Variants in DGKH observed in about 807,000 individuals in gnomAD.
DGKH encodes DAG kinase eta.
DGKH carries 90 observed loss-of-function variants against 159.3 expected under a neutral mutation model. The observed-to-expected ratio is 0.57, with a 90% CI of 0.48 to 0.67. The LOEUF is 0.67. Among genes scored for constraint, DGKH ranks in the 30% least tolerant of loss-of-function variants. The pLI is 0.00. For missense variants in DGKH, 1,181 were observed against 1,506.1 expected (o/e 0.78, Z 3.57); for synonymous variants, 536 against 553.8 (o/e 0.97, Z 0.45).
intron 11 of DGKH, among the ~76,000 whole-genome samples, chr13:42,169,780 A>G (rs796980801): frequency 2.8e-4 from 42 of 152,348 alleles, no homozygotes; most frequent in African/African-American, 9.9e-4. Flanking sequence ...GCTGGGAAAT[A>G]GAACATTTGT....
chr13:42,206,282 A>G, intron 21 of DGKH, 136 bp downstream of exon 21: 1 of 451,302 alleles, frequency 2.2e-6, no homozygotes, highest in Non-Finnish European at 3.7e-6. Flanking sequence ...GAGGCATGGA[A>G]TAGATTTATT....
At chr13:42,158,722 A>G (rs770514547) in intron 5 of DGKH, among the ~76,000 whole-genome samples, 11 of 152,188 alleles carry the variant, frequency 7.2e-5, no homozygotes, top group Non-Finnish European at 1.5e-4. Context: ...CCTATTTTCC[A>G]TGATGCCTGG....
intron 1 of DGKH, among the ~76,000 whole-genome samples, chr13:42,111,359 C>G (rs1390482019): frequency 6.6e-6 from 1 of 152,128 alleles, no homozygotes; most frequent in Non-Finnish European, 1.5e-5. Flanking sequence ...GTGGGCAGAT[C>G]TCTTGAGGTC....
At chr13:42,070,229 C>T (rs768052193) in intron 1 of DGKH, 37 of 1,097,686 alleles carry the variant, frequency 3.4e-5, no homozygotes, top group East Asian at 9.4e-5. Flanking sequence ...TTCAGTGCTT[C>T]GCGACTAATT....
rs940927744 is a variant in DGKH at position 42,230,341 on chromosome 13, G to A, written c.*1153G>A. ...TTAAATTTTTTCTTAAGGGCTTTATGTTGTTATTATTATTATCTCACTTAA... is the reference window on the plus strand; with the variant it reads ...TTAAATTTTTTCTTAAGGGCTTTATATTGTTATTATTATTATCTCACTTAA... On this transcript the variant is annotated 3_prime_UTR_variant, in exon 30 of 30. Transcript: ENST00000337343. 1 of 152,014 alleles carries A rather than the reference G, an allele frequency of 6.6e-6. No homozygotes were observed. Among genetic ancestry groups the A allele is most frequent in the East Asian group, 1.9e-4 (1 of 5,196 alleles). The allele number at this position is 152,014 out of a possible 1,614,324, so 9.4% of individuals were successfully genotyped here.
At chr13:42,152,955 T>G (rs1955951293) in intron 3 of DGKH, among the ~76,000 whole-genome samples, 1 of 152,166 alleles carries the variant, frequency 6.6e-6, no homozygotes, top group Non-Finnish European at 1.5e-5. Flanking sequence ...GTGTTACAAT[T>G]AATGCTCTTT....
chr13:42,133,441 G>A (rs1955333517), intron 3 of DGKH, among the ~76,000 whole-genome samples: 1 of 152,054 alleles, frequency 6.6e-6, no homozygotes, highest in South Asian at 2.1e-4. Context: ...CGCCTATAAT[G>A]CCAGCATTTT....
rs985107690 is a variant in DGKH at position 42,242,662 on chromosome 13, G to A, written c.*13474G>A. 1 of 152,128 alleles carries A rather than the reference G, an allele frequency of 6.6e-6. No homozygotes were observed. Among genetic ancestry groups the A allele is most frequent in the South Asian group, 2.1e-4 (1 of 4,826 alleles). 9.4% of individuals were successfully genotyped at this position (152,128 alleles called of 1,614,324 possible). A position where few individuals can be genotyped will look rare whatever the true frequency, so the allele number is the denominator to read the frequency against. On this transcript the variant is annotated 3_prime_UTR_variant, in exon 30 of 30. Coordinates refer to ENST00000337343, the MANE Select transcript of DGKH (RefSeq NM_178009.5). ...TTTCCTTGTACAGATAATTTTGGTGGCTTTGTTAATGTAGCTAGTAATTTT... is the reference window on the plus strand; with the variant it reads ...TTTCCTTGTACAGATAATTTTGGTGACTTTGTTAATGTAGCTAGTAATTTT...
intron 1 of DGKH, among the ~76,000 whole-genome samples, chr13:42,071,849 G>A (rs761278506): frequency 3.9e-5 from 6 of 152,166 alleles, no homozygotes; most frequent in Non-Finnish European, 8.8e-5. Context: ...CGCAGTCACC[G>A]CCATGTAACA....
intron 1 of DGKH, among the ~76,000 whole-genome samples, chr13:42,121,541 T>C (rs1393430860): frequency 6.6e-6 from 1 of 152,232 alleles, no homozygotes; most frequent in Non-Finnish European, 1.5e-5. Context: ...CCTCCCGGAC[T>C]CCAAGGAGTT....
At chr13:42,094,877 T>C (rs1308492981) in intron 1 of DGKH, among the ~76,000 whole-genome samples, 1 of 152,142 alleles carries the variant, frequency 6.6e-6, no homozygotes, top group Non-Finnish European at 1.5e-5. Context: ...CAATTGTGTT[T>C]GAAAAGAAAA....
intron 29 of DGKH, among the ~76,000 whole-genome samples, chr13:42,223,107 T>C (rs1958026402): frequency 6.6e-6 from 1 of 152,164 alleles, no homozygotes; most frequent in East Asian, 1.9e-4. Context: ...TGAAACAAGA[T>C]GTGGGGGGTG....
intron 18 of DGKH, 81 bp from the exon 19 acceptor site, chr13:42,199,485 T>A (rs1038875594): frequency 1.5e-5 from 15 of 980,808 alleles, no homozygotes; most frequent in Non-Finnish European, 2.2e-5. Flanking sequence ...TAAATGGTTT[T>A]AAGTACTATC....
chr13:42,256,178 G>A, intron 30 of DGKH: 1 of 1,215,882 alleles, frequency 8.2e-7, no homozygotes, highest in Non-Finnish European at 1.2e-6. Flanking sequence ...GAATCATGTT[G>A]CTGTAACAGT....
intron 1 of DGKH, among the ~76,000 whole-genome samples, chr13:42,121,909 G>A (rs1218246161): frequency 6.6e-6 from 1 of 152,186 alleles, no homozygotes; most frequent in Non-Finnish European, 1.5e-5. Context: ...CTCCGCCGTG[G>A]AGTCTCTCCC....
At chr13:42,080,155 A>G (rs983118821) in intron 1 of DGKH, among the ~76,000 whole-genome samples, 3 of 152,230 alleles carry the variant, frequency 2.0e-5, no homozygotes, top group Non-Finnish European at 4.4e-5. Context: ...GCTACTTAAC[A>G]TGGTAATTTA....
intron 3 of DGKH, among the ~76,000 whole-genome samples, chr13:42,150,541 T>C (rs1791103280): frequency 6.6e-6 from 1 of 152,236 alleles, no homozygotes; most frequent in South Asian, 2.1e-4. Flanking sequence ...CAAAGCACTT[T>C]GAAAATGTAA....
chr13:42,066,970 T>A (rs1882623984), intron 1 of DGKH, among the ~76,000 whole-genome samples: 1 of 152,002 alleles, frequency 6.6e-6, no homozygotes, highest in East Asian at 1.9e-4. Context: ...TTATTAAGAA[T>A]ATAACATATA....
intron 1 of DGKH, among the ~76,000 whole-genome samples, chr13:42,088,260 A>G (rs979470755): frequency 1.3e-5 from 2 of 152,188 alleles, no homozygotes; most frequent in Admixed American, 6.5e-5. Flanking sequence ...CACTGGAAGA[A>G]ATTTTAAAGG....
Sources: allele counts gnomAD v4.1 joint callset (sites outside exome capture counted in the v4.1 genomes callset), GRCh38; gene constraint gnomAD v4.1.1; transcripts MANE v1.5; gene names NCBI Gene and HGNC (gene_info 2026-07-23, HGNC 2026-07-21).